The following SLC35D1 variants were observed in gnomAD, a reference collection of about 807,000 sequenced individuals.
The protein encoded by SLC35D1 is solute carrier family 35 member D1, also known as nucleotide sugar transporter SLC35D1.
Under a neutral mutation model 46.7 loss-of-function variants are expected in SLC35D1, and 31 were observed. The ratio of observed to expected loss-of-function variants is 0.66; its 90% CI spans 0.50 to 0.90. The LOEUF (loss-of-function observed/expected upper bound fraction) is 0.90, where lower values mean the gene tolerates loss of function less well. SLC35D1 is among the 40% of genes least tolerant of loss of function. The probability of loss-of-function intolerance (pLI) is 0.00; values close to 1 mark genes in which losing one functional copy is unlikely to be tolerated. For synonymous variants in SLC35D1, 195 were observed against 164.6 expected (o/e 1.18, Z -1.41); for missense variants, 397 against 426.2 (o/e 0.93, Z 0.60).
intron 5 of SLC35D1, 34 bp downstream of exon 5, chr1:67,050,399 T>C (rs1410840246): frequency 2.0e-6 from 3 of 1,506,572 alleles, no homozygotes; most frequent in Non-Finnish European, 2.8e-6. Flanking sequence ...TTCAAGGTGA[T>C]TTAAAGAACA....
At chr1:67,035,751 C>T (rs2102326625) in intron 8 of SLC35D1, among the ~76,000 whole-genome samples, 2 of 147,018 alleles carry the variant, frequency 1.4e-5, no homozygotes, top group Non-Finnish European at 3.0e-5. Flanking sequence ...CCCAAAAGAA[C>T]TTGCTTTTCT....
chr1:67,052,703 A>G, intron 3 of SLC35D1, 68 bp downstream of exon 3: 1 of 1,517,628 alleles, frequency 6.6e-7, no homozygotes, highest in Non-Finnish European at 9.1e-7. Flanking sequence ...TACGCAAGGC[A>G]CTGATAAAAT....
intron 9 of SLC35D1, 36 bp from the exon 10 acceptor site, chr1:67,020,483 C>A: frequency 7.3e-7 from 1 of 1,374,732 alleles, no homozygotes; most frequent in South Asian, 1.2e-5. Context: ...TCCAGTTTCT[C>A]ACTTTATACT....
In SLC35D1 at chr1:67,004,164, T is replaced by C; in HGVS notation, c.*176A>G. On this transcript the variant is annotated 3_prime_UTR_variant, in exon 12 of 12. Coordinates refer to ENST00000235345, the MANE Select transcript of SLC35D1 (RefSeq NM_015139.3). ...AACATATTTAAAATAGAGTCAATTATAAGTTTCTCTCTTCATAAAATTTTA... is the reference window on the plus strand; with the variant it reads ...AACATATTTAAAATAGAGTCAATTACAAGTTTCTCTCTTCATAAAATTTTA... The C allele has an allele frequency of 1.6e-6, 1 of 629,644 alleles. No individual in the cohort carries two copies. Among genetic ancestry groups the C allele is most frequent in the Non-Finnish European group, 2.9e-6 (1 of 348,780 alleles). The allele number at this position is 629,644 out of a possible 1,614,324, so 39.0% of individuals were successfully genotyped here. A position where few individuals can be genotyped will look rare whatever the true frequency, so the allele number is the denominator to read the frequency against.
chr1:67,025,598 T>C (rs1418293839), intron 8 of SLC35D1, among the ~76,000 whole-genome samples: 1 of 152,238 alleles, frequency 6.6e-6, no homozygotes, highest in Non-Finnish European at 1.5e-5. Context: ...TGCTTGTCAA[T>C]ATCTACAAAA....
intron 8 of SLC35D1, among the ~76,000 whole-genome samples, chr1:67,040,497 T>A (rs1175215420): frequency 6.6e-6 from 1 of 152,198 alleles, no homozygotes; most frequent in Admixed American, 6.5e-5. Flanking sequence ...TCAAACCAGA[T>A]GCTCTCTAAG....
downstream of SLC35D1, among the ~76,000 whole-genome samples, chr1:66,996,920 G>A (rs1383254747): frequency 6.6e-6 from 1 of 152,164 alleles, no homozygotes; most frequent in Non-Finnish European, 1.5e-5. Context: ...AAATGGTGTT[G>A]GGAAAATGAA....
chr1:67,013,531 C>G (rs1273296606), intron 10 of SLC35D1, among the ~76,000 whole-genome samples: 8 of 152,038 alleles, frequency 5.3e-5, no homozygotes, highest in Non-Finnish European at 1.0e-4. Flanking sequence ...GCCTGGGCAA[C>G]AGAGTGAGAC....
rs149380524 is a variant in SLC35D1, at chr1:67,018,567, T to A, written c.876+1802A>T. Reference sequence around the variant, plus strand: ...AACTTTAGTATACCCGACAATTGCCTGGAAACCCTGTTAAACATAAACATT... The same window carrying A: ...AACTTTAGTATACCCGACAATTGCCAGGAAACCCTGTTAAACATAAACATT... On this transcript the variant is annotated intron_variant, in intron 10 of 11. Transcript: ENST00000235345. 3.5e-3 allele frequency among the ~76,000 whole-genome samples: 540 copies of A among 152,338 alleles called. 3 individuals are homozygous for A. The highest frequency in any genetic ancestry group is 0.012 in the African/African-American group (516 of 41,582).
At chr1:66,990,996 T>C in the SLC35D1 span, among the ~76,000 whole-genome samples, 1 of 152,342 alleles carries the variant, frequency 6.6e-6, no homozygotes, top group East Asian at 1.9e-4. Flanking sequence ...TTGTCTCTCC[T>C]GCTTAGGGCC....
At chr1:66,993,121 A>G in the SLC35D1 span, among the ~76,000 whole-genome samples, 7 of 152,214 alleles carry the variant, frequency 4.6e-5, no homozygotes, top group Admixed American at 3.3e-4. Flanking sequence ...GCTTTTTCCC[A>G]CAACTCTGAA....
intron 10 of SLC35D1, among the ~76,000 whole-genome samples, chr1:67,010,022 A>T (rs903515286): frequency 3.9e-5 from 6 of 152,220 alleles, no homozygotes; most frequent in African/African-American, 1.4e-4. Context: ...GAAAGAAATC[A>T]TGTCCTTTGC....
the SLC35D1 span, among the ~76,000 whole-genome samples, chr1:66,989,286 A>G: frequency 2.4e-4 from 36 of 152,214 alleles, no homozygotes; most frequent in East Asian, 5.4e-3. Context: ...TAGAACATTC[A>G]CTTTTTGGTA....
At position 67,049,339 on chromosome 1, in the gene SLC35D1, G is replaced by A. The variant is rs528017307; in HGVS notation, c.533+443C>T. Among the ~76,000 whole-genome samples, 380 of 151,844 alleles carry A rather than the reference G, an allele frequency of 2.5e-3. 1 individual carries two copies. Among genetic ancestry groups the A allele is most frequent in the Non-Finnish European group, 4.5e-3 (303 of 67,974 alleles). The stretch of plus-strand genomic sequence containing the variant: ...CCACATGGTTTATAAAAACACACAG[G>A]CTCTGAAGAAAGCCACAGATTCAAA... On this transcript the variant is annotated intron_variant, in intron 6 of 11. Coordinates refer to ENST00000235345, the MANE Select transcript of SLC35D1 (RefSeq NM_015139.3).
At chr1:67,006,087 C>T (rs1332120858) in intron 11 of SLC35D1, among the ~76,000 whole-genome samples, 1 of 152,092 alleles carries the variant, frequency 6.6e-6, no homozygotes, top group Non-Finnish European at 1.5e-5. Flanking sequence ...TGGGCTCAAG[C>T]TATCCTCCCG....
intron 5 of SLC35D1, 108 bp downstream of exon 5, chr1:67,050,325 C>T (rs1645295513): frequency 5.9e-6 from 5 of 844,450 alleles, no homozygotes; most frequent in Non-Finnish European, 7.7e-6. Flanking sequence ...GTTGCTTAAA[C>T]TTCTCAAAAG....
chr1:67,008,300 A>C, intron 11 of SLC35D1: 1 of 555,570 alleles, frequency 1.8e-6, no homozygotes, highest in Non-Finnish European at 2.8e-6. Context: ...CACCACATCC[A>C]GCTAATTTTT....
chr1:67,049,022 C>T (rs1645280425), intron 6 of SLC35D1, among the ~76,000 whole-genome samples: 1 of 152,164 alleles, frequency 6.6e-6, no homozygotes, highest in African/African-American at 2.4e-5. Flanking sequence ...AGGCCAGGCG[C>T]GGTGGCTCAC....
At chr1:66,993,833 T>C in the SLC35D1 span, among the ~76,000 whole-genome samples, 4 of 152,220 alleles carry the variant, frequency 2.6e-5, no homozygotes, top group South Asian at 4.1e-4. Context: ...TACTGTGGTA[T>C]AGCAGGCACT....
Sources: allele counts gnomAD v4.1 joint callset (sites outside exome capture counted in the v4.1 genomes callset), GRCh38; gene constraint gnomAD v4.1.1; transcripts MANE v1.5; gene names NCBI Gene and HGNC (gene_info 2026-07-23, HGNC 2026-07-21).